STAM2: variants seen among roughly 807,000 people sequenced by gnomAD.
STAM2 encodes the protein signal transducing adapter molecule 2.
STAM2 carries 51 observed loss-of-function variants against 65.6 expected under a neutral mutation model. The ratio of observed to expected loss-of-function variants is 0.78; its 90% CI spans 0.62 to 0.98. The LOEUF (loss-of-function observed/expected upper bound fraction) is 0.98. STAM2 is among the 50% of genes least tolerant of loss of function. STAM2 has a pLI of 0.00. For missense variants in STAM2, 584 were observed against 617.8 expected (o/e 0.95, Z 0.58); for synonymous variants, 198 against 208.4 (o/e 0.95, Z 0.43).
intron 1 of STAM2, among the ~76,000 whole-genome samples, chr2:152,167,054 G>T (rs1326343302): frequency 6.6e-6 from 1 of 151,992 alleles, no homozygotes; most frequent in Non-Finnish European, 1.5e-5. Context: ...AAATATGAGG[G>T]AGACTGTACA....
chr2:152,125,107 CA>C (rs1387099558), intron 12 of STAM2, among the ~76,000 whole-genome samples: 1 of 152,102 alleles, frequency 6.6e-6, no homozygotes, highest in East Asian at 1.9e-4. Context: ...TACAGACACA[CA>C]AAAAAGCAAA....
At chr2:152,155,975 G>A (rs1397507052) in intron 1 of STAM2, among the ~76,000 whole-genome samples, 1 of 152,078 alleles carries the variant, frequency 6.6e-6, no homozygotes, top group Non-Finnish European at 1.5e-5. Flanking sequence ...CAAATTTTAT[G>A]AGTATGGATA....
Position 152,132,154 on chromosome 2 carries a change from T to C in STAM2, c.985A>G (p.Met329Val). The change falls in exon 11 of 14, where the codon ATG becomes GTG. Residue 329 changes from methionine to valine, a missense_variant. Met to Val is a conservative substitution (Grantham distance 21). Transcript: ENST00000263904. ...LLDLEDICQQ[M>V]GPMIDEKLEE... ...AGTTTTTCATCTATCATTGGACCCATCTGTTGGCAGATATCTGTAAATACA... is the reference window on the plus strand; with the variant it reads ...AGTTTTTCATCTATCATTGGACCCACCTGTTGGCAGATATCTGTAAATACA... 6.2e-7 allele frequency: 1 copy of C among 1,610,940 alleles called. No individual in the cohort carries two copies. The highest frequency in any genetic ancestry group is 1.7e-5 in the Admixed American group (1 of 59,722).
At chr2:152,171,082 A>G (rs1689890065) in intron 1 of STAM2, among the ~76,000 whole-genome samples, 2 of 152,214 alleles carry the variant, frequency 1.3e-5, no homozygotes, top group South Asian at 2.1e-4. Flanking sequence ...CAAACAATAT[A>G]TAGTATATTT....
At chr2:152,161,689 A>G (rs2105562936) in intron 1 of STAM2, among the ~76,000 whole-genome samples, 2 of 152,292 alleles carry the variant, frequency 1.3e-5, no homozygotes, top group East Asian at 3.9e-4. Flanking sequence ...ACTTAGGTTT[A>G]CCATAAATTT....
chr2:152,167,630 C>T (rs1384638758), intron 1 of STAM2, among the ~76,000 whole-genome samples: 1 of 152,048 alleles, frequency 6.6e-6, no homozygotes, highest in East Asian at 1.9e-4. Flanking sequence ...CATGGTGGCT[C>T]ACTCCTATAA....
intron 13 of STAM2, 125 bp from the exon 14 acceptor site, chr2:152,120,927 AT>A: frequency 1.5e-6 from 1 of 673,236 alleles, no homozygotes; most frequent in Non-Finnish European, 2.5e-6. Flanking sequence ...TGCTGTTCTG[AT>A]TACAATTTAA....
chr2:152,128,775 T>TAAAC (rs1206435420), intron 11 of STAM2, among the ~76,000 whole-genome samples: 1 of 152,234 alleles, frequency 6.6e-6, no homozygotes, highest in African/African-American at 2.4e-5. Flanking sequence ...TTTACATGTT[T>TAAAC]ACTCAATATA....
chr2:152,136,266 A>G (rs1027527788), intron 7 of STAM2, among the ~76,000 whole-genome samples: 1 of 151,716 alleles, frequency 6.6e-6, no homozygotes, highest in African/African-American at 2.4e-5. Context: ...AACATGGCAA[A>G]ACCCTGTCTC....
intron 5 of STAM2, among the ~76,000 whole-genome samples, chr2:152,146,480 C>T (rs902963503): frequency 6.6e-6 from 1 of 152,098 alleles, no homozygotes; most frequent in Admixed American, 6.6e-5. Context: ...ATCCCTGCCT[C>T]CACACCCCAG....
chr2:152,167,681 G>C (rs1485400628), intron 1 of STAM2, among the ~76,000 whole-genome samples: 1 of 151,920 alleles, frequency 6.6e-6, no homozygotes, highest in Non-Finnish European at 1.5e-5. Flanking sequence ...AATCACTTGA[G>C]GTCAGGAGTC....
intron 13 of STAM2, among the ~76,000 whole-genome samples, chr2:152,121,580 T>C (rs1017355281): frequency 1.3e-5 from 2 of 152,186 alleles, no homozygotes; most frequent in Non-Finnish European, 2.9e-5. Context: ...AAGGACTTTC[T>C]ACTTTTAAAA....
chr2:152,173,365 TATATATACATATATATATATATGTATAC>T (rs1689934386), intron 1 of STAM2, among the ~76,000 whole-genome samples: 1 of 147,214 alleles, frequency 6.8e-6, no homozygotes, highest in African/African-American at 2.5e-5. Context: ...TATACACACA[TATATATACATATATATATATATGTATAC>T]ATATATATAT....
chr2:152,159,437 A>G (rs1395029143), intron 1 of STAM2, among the ~76,000 whole-genome samples: 1 of 152,188 alleles, frequency 6.6e-6, no homozygotes, highest in African/African-American at 2.4e-5. Context: ...TAAAGATAGA[A>G]ACATTCTTTC....
intron 13 of STAM2, among the ~76,000 whole-genome samples, chr2:152,121,378 C>T (rs1230373282): frequency 1.3e-5 from 2 of 152,150 alleles, no homozygotes; most frequent in Non-Finnish European, 2.9e-5. Flanking sequence ...GAATCTCTAA[C>T]TAAAAACATT....
intron 5 of STAM2, among the ~76,000 whole-genome samples, chr2:152,145,285 T>C (rs1689318325): frequency 6.6e-6 from 1 of 152,138 alleles, no homozygotes; most frequent in African/African-American, 2.4e-5. Context: ...CCTGGGCTGA[T>C]CTGCAACTCT....
rs566207577 is a variant in STAM2 at position 152,139,845 on chromosome 2, C to CA, written c.704+3981dup. Among the ~76,000 whole-genome samples the CA allele has an allele frequency of 3.5e-3, 529 of 151,274 alleles. 1 individual carries two copies. Among genetic ancestry groups the CA allele is most frequent in the Non-Finnish European group, 5.1e-3 (343 of 67,802 alleles). The stretch of plus-strand genomic sequence containing the variant: ...ATAAACAAAAATGACAATAGAACAA[C>CA]AAAAAAAATTTTTAATACAATATAT... On this transcript the variant is annotated intron_variant, in intron 7 of 13. Transcript: ENST00000263904.
At position 152,148,023 on chromosome 2, in the gene STAM2, C is replaced by T; in HGVS notation, c.300+1G>A. The T allele has an allele frequency of 6.3e-7, 1 of 1,595,082 alleles. No individual in the cohort carries two copies. Among genetic ancestry groups the T allele is most frequent in the East Asian group, 2.2e-5 (1 of 44,518 alleles). On this transcript the variant is annotated splice_donor_variant, in intron 4 of 13. Coordinates refer to ENST00000263904, the MANE Select transcript of STAM2 (RefSeq NM_005843.6). LOFTEE classifies it high-confidence loss of function. ...AAAGTTCTTCTGTTTTTAAAATTTA[C>T]CTTATTTTTAATCACAGCACGTACT...
At chr2:152,159,919 C>T (rs919481264) in intron 1 of STAM2, among the ~76,000 whole-genome samples, 2 of 152,198 alleles carry the variant, frequency 1.3e-5, no homozygotes, top group South Asian at 2.1e-4. Context: ...TTGGTGGAGA[C>T]GGGGTTTCGC....
Sources: gnomAD v4.1 joint callset for allele counts (sites outside exome capture counted in the v4.1 genomes callset) on GRCh38, gnomAD v4.1.1 for gene constraint, MANE v1.5 for transcripts, NCBI Gene and HGNC (gene_info 2026-07-23, HGNC 2026-07-21) for gene names.